The following TRMT61B variants were observed in gnomAD, a reference collection of about 807,000 sequenced individuals.
The protein encoded by TRMT61B is tRNA (adenine(58)-N(1))-methyltransferase, mitochondrial.
Under a neutral mutation model 52.0 loss-of-function variants are expected in TRMT61B, and 56 were observed. That is an observed-to-expected ratio of 1.08 (90% CI 0.87 to 1.35). TRMT61B has a LOEUF of 1.35. TRMT61B is among the 40% of genes most tolerant of loss of function. TRMT61B has a pLI of 0.00. For synonymous variants in TRMT61B, 206 were observed against 220.0 expected, an observed-to-expected ratio of 0.94 and a Z score of 0.56; for missense variants, 650 against 577.9, an observed-to-expected ratio of 1.12 and a Z score of -1.28.
Position 28,869,281 on chromosome 2 carries a change from A to G in TRMT61B, c.699+298T>C, listed in dbSNP as rs1258454237. 1.3e-5 allele frequency among the ~76,000 whole-genome samples: 2 copies of G among 152,220 alleles called. 1 individual carries two copies. The highest frequency in any genetic ancestry group is 4.8e-5 in the African/African-American group (2 of 41,460). On this transcript the variant is annotated intron_variant, in intron 1 of 6. Coordinates refer to ENST00000306108, the MANE Select transcript of TRMT61B (RefSeq NM_017910.4). ...CTTAAGAGTAATGGGGAACAAAATT[A>G]GTACTTATTATGTACGTAGTGAGTT...
chr2:28,869,509 T>C, intron 1 of TRMT61B, 70 bp downstream of exon 1: 2 of 1,066,208 alleles, frequency 1.9e-6, no homozygotes, highest in Non-Finnish European at 2.8e-6. Context: ...AATACATTAA[T>C]CAGGACTGAG....
rs563975942 is a variant in TRMT61B, at chr2:28,851,190, T to G, written c.1194A>C (p.Ala398=). ...VIVRDWLVCL[A]KQKNGILAQK... is the part of the protein sequence containing the mutation. ...GAGCTAAAATTCCATTTTTCTGTTTTGCAAGGCAAACCAACCAATCTCTGA... is the reference window on the plus strand; with the variant it reads ...GAGCTAAAATTCCATTTTTCTGTTTGGCAAGGCAAACCAACCAATCTCTGA... Residue 398 remains alanine (A), a synonymous_variant, in exon 5 of 7, where the codon GCA becomes GCC. Transcript: ENST00000306108. 1.7e-5 allele frequency: 27 copies of G among 1,613,718 alleles called. 1 individual carries two copies. The South Asian group carries it at 1.8e-4, about 11-fold the overall frequency.
In TRMT61B at chr2:28,869,915, ATC is replaced by A; in HGVS notation, c.361_362del (p.Asp121SerfsTer39). On this transcript the variant is annotated frameshift_variant, in exon 1 of 7. Coordinates refer to ENST00000306108, the MANE Select transcript of TRMT61B (RefSeq NM_017910.4). LOFTEE classifies it high-confidence loss of function. The stretch of plus-strand genomic sequence containing the variant: ...ACTGGGCCTGCGAGAGCATCGAAGG[ATC>A]CTCGGATCCCTGGTGTGTGGGACCG... ...RCGPTHQGSE[D>X]PSMLSQAQSA... is the part of the protein sequence containing the mutation. 6.2e-7 allele frequency: 1 copy of A among 1,613,802 alleles called. No homozygotes were observed. The highest frequency in any genetic ancestry group is 1.1e-5 in the South Asian group (1 of 91,064).
intron 3 of TRMT61B, among the ~76,000 whole-genome samples, chr2:28,857,079 T>G (rs1339742690): frequency 2.6e-5 from 4 of 151,864 alleles, no homozygotes; most frequent in Admixed American, 2.6e-4. Context: ...GATTACTGGC[T>G]TGCACCATCA....
rs773930985 is a variant in TRMT61B, at chr2:28,851,295, G to T, written c.1089C>A (p.Ile363=). The change falls in exon 5 of 7, where the codon ATC becomes ATA. Residue 363 remains isoleucine, a synonymous_variant. Transcript: ENST00000306108. ...GGVCAVYVVN[I]TQVIELLDGI... is the part of the protein sequence containing the mutation. ...CATCTAAAAGTTCAATAACCTGTGT[G>T]ATGCTTTCAGAAAAGTGAAAAATTT... 8 of 1,590,146 alleles carry T rather than the reference G, an allele frequency of 5.0e-6. No homozygotes were observed. The Admixed American group carries it at 1.5e-4, about 29-fold the overall frequency.
In TRMT61B at chr2:28,859,006, T is replaced by C. The variant is rs557831052; in HGVS notation, c.993+2112A>G. Among the ~76,000 whole-genome samples, 4 of 151,402 alleles carry C rather than the reference T, an allele frequency of 2.6e-5. No individual in the cohort carries two copies. In the East Asian group the frequency reaches 8.0e-4, roughly 30 times the overall value. ...GCCTCCCAGGTTCAAGCGATTCTCCTGACTCGGCCTCCCAAGTAGCTGGGA... is the reference window on the plus strand; with the variant it reads ...GCCTCCCAGGTTCAAGCGATTCTCCCGACTCGGCCTCCCAAGTAGCTGGGA... On this transcript the variant is annotated intron_variant, in intron 3 of 6. Transcript: ENST00000306108.
chr2:28,861,315 T>TA lies in TRMT61B; in HGVS notation c.803-8dup. The TA allele has an allele frequency of 1.3e-6, 2 of 1,559,750 alleles. No homozygotes were observed. The highest frequency in any genetic ancestry group is 1.7e-6 in the Non-Finnish European group (2 of 1,158,822). ...ACTCGTCCTTGTGATCCAACTTAAG[T>TA]AAAAAATAATTTGATATTTCATAAT... is the stretch of plus-strand genomic sequence containing the variant. On this transcript the variant is annotated splice_region_variant and splice_polypyrimidine_tract_variant and intron_variant, in intron 2 of 6. Transcript: ENST00000306108.
Position 28,861,284 on chromosome 2 carries a change from C to T in TRMT61B, c.827G>A (p.Ser276Asn). The T allele has an allele frequency of 1.9e-6, 3 of 1,598,250 alleles. No individual in the cohort carries two copies. Among genetic ancestry groups the T allele is most frequent in the Non-Finnish European group, 1.7e-6 (2 of 1,175,456 alleles). ...KAVGSQGRVI[S>N]FEVRKDHHDL... is the part of the protein sequence containing the mutation. ...ATGGTGGTCTTTTCGTACCTCAAAA[C>T]TTATGACTCGTCCTTGTGATCCAAC... The change falls in exon 3 of 7, where the codon AGT becomes AAT. Residue 276 changes from serine (S) to asparagine (N), a missense_variant. Ser to Asn is a conservative substitution (Grantham distance 46). Coordinates refer to ENST00000306108, the MANE Select transcript of TRMT61B (RefSeq NM_017910.4).
Position 28,870,224 on chromosome 2 carries a change from G to A in TRMT61B, c.54C>T (p.Leu18=). 4 of 1,609,130 alleles carry A rather than the reference G, an allele frequency of 2.5e-6. No homozygotes were observed. The South Asian group carries it at 3.3e-5, about 13-fold the overall frequency. The part of the protein sequence containing the change: ...GPVLLCLRQG[L]GTNSFLHGLG... The stretch of plus-strand genomic sequence containing the variant: ...GGCCGTGCAGGAATGAATTGGTTCC[G>A]AGCCCCTGCCGCAGGCACAGCAAGA... Residue 18 remains leucine, a synonymous_variant, in exon 1 of 7, where the codon CTC becomes CTT. Transcript: ENST00000306108.
chr2:28,864,701 G>GATAT (rs756779648), intron 2 of TRMT61B, among the ~76,000 whole-genome samples: 2 of 152,098 alleles, frequency 1.3e-5, no homozygotes, highest in Non-Finnish European at 2.9e-5. Flanking sequence ...GATTCATTGA[G>GATAT]ATATACACTT....
At chr2:28,852,748 C>T (rs1365026836) in intron 3 of TRMT61B, among the ~76,000 whole-genome samples, 1 of 151,890 alleles carries the variant, frequency 6.6e-6, no homozygotes, top group Non-Finnish European at 1.5e-5. Flanking sequence ...CCATTTGAGG[C>T]CGAGTTTGAG....
chr2:28,868,289 C>T (rs1204123756), intron 1 of TRMT61B, among the ~76,000 whole-genome samples: 1 of 152,120 alleles, frequency 6.6e-6, no homozygotes, highest in Non-Finnish European at 1.5e-5. Context: ...CAATTCTCTT[C>T]CTAGATCTGT....
intron 1 of TRMT61B, among the ~76,000 whole-genome samples, chr2:28,868,442 C>G (rs1344331190): frequency 6.6e-6 from 1 of 152,252 alleles, no homozygotes; most frequent in African/African-American, 2.4e-5. Flanking sequence ...CTTCATGACA[C>G]TTAACACTAC....
intron 3 of TRMT61B, among the ~76,000 whole-genome samples, chr2:28,854,258 T>G (rs924796559): frequency 2.6e-5 from 4 of 152,016 alleles, no homozygotes; most frequent in Non-Finnish European, 5.9e-5. Flanking sequence ...TAAACAAAAA[T>G]AAGAAAACAT....
chr2:28,851,427 A>C (rs566544566), intron 4 of TRMT61B, 129 bp from the exon 5 acceptor site: 1 of 593,804 alleles, frequency 1.7e-6, no homozygotes, highest in African/African-American at 1.9e-5. Flanking sequence ...TTAAATATGC[A>C]AGTTAGGAGG....
intron 3 of TRMT61B, among the ~76,000 whole-genome samples, chr2:28,855,623 T>C (rs1253843626): frequency 6.6e-6 from 1 of 152,110 alleles, no homozygotes; most frequent in Non-Finnish European, 1.5e-5. Flanking sequence ...AGGAGCAAGC[T>C]TGGGGGAAAT....
chr2:28,862,333 G>GTTTT (rs369559361), intron 2 of TRMT61B, among the ~76,000 whole-genome samples: 8 of 126,886 alleles, frequency 6.3e-5, no homozygotes, highest in Non-Finnish European at 8.0e-5. Context: ...TTTGAGTTTG[G>GTTTT]TTTTTTTTTT....
intron 1 of TRMT61B, among the ~76,000 whole-genome samples, chr2:28,866,389 C>A (rs1163454818): frequency 6.6e-6 from 1 of 152,228 alleles, no homozygotes; most frequent in African/African-American, 2.4e-5. Context: ...AGTTTTTCCA[C>A]AGACTGGGGA....
chr2:28,853,546 C>T (rs1463188819), intron 3 of TRMT61B, among the ~76,000 whole-genome samples: 2 of 152,128 alleles, frequency 1.3e-5, no homozygotes, highest in East Asian at 3.9e-4. Context: ...AACAGAAATT[C>T]ACATTGTTGG....
Sources: gnomAD v4.1 joint callset for allele counts (sites outside exome capture counted in the v4.1 genomes callset) on GRCh38, gnomAD v4.1.1 for gene constraint, MANE v1.5 for transcripts, NCBI Gene and HGNC (gene_info 2026-07-23, HGNC 2026-07-21) for gene names.